Variants in SNX4 observed in about 807,000 individuals in gnomAD.
SNX4 encodes the protein sorting nexin 4.
SNX4 carries 49 observed loss-of-function variants against 70.8 expected under a neutral mutation model. The ratio of observed to expected loss-of-function variants is 0.69; its 90% CI spans 0.55 to 0.88. SNX4 has a LOEUF of 0.88. Ranked by LOEUF, SNX4 falls within the 40% of genes least tolerant of loss-of-function variation. The pLI is 0.00. For synonymous variants in SNX4, 206 were observed against 183.8 expected (o/e 1.12, Z -0.98); for missense variants, 528 against 544.8 (o/e 0.97, Z 0.31).
intron 12 of SNX4, 132 bp from the exon 13 acceptor site, chr3:125,451,551 G>T: frequency 3.5e-6 from 2 of 568,804 alleles, no homozygotes; most frequent in South Asian, 2.6e-5. Flanking sequence ...GTATAAGACA[G>T]TTTTTTTATT....
chr3:125,463,576 A>G (rs1933934931), intron 9 of SNX4, among the ~76,000 whole-genome samples: 1 of 152,230 alleles, frequency 6.6e-6, no homozygotes, highest in African/African-American at 2.4e-5. Context: ...AAAATAGTTG[A>G]AAAAAGTAGC....
At chr3:125,487,053 C>T (rs1007729855) in intron 6 of SNX4, among the ~76,000 whole-genome samples, 4 of 152,004 alleles carry the variant, frequency 2.6e-5, no homozygotes, top group Admixed American at 2.0e-4. Flanking sequence ...ATGAATGAAG[C>T]GAGTACTAGA....
intron 1 of SNX4, 129 bp downstream of exon 1, chr3:125,519,903 C>A: frequency 1.2e-6 from 1 of 825,734 alleles, no homozygotes; most frequent in Non-Finnish European, 1.7e-6. Flanking sequence ...CACCTCGCTC[C>A]CCCTCACTGC....
At chr3:125,477,046 ACCACTATAAATAGTTGCATAAAATT>A (rs1469900747) in intron 7 of SNX4, among the ~76,000 whole-genome samples, 2 of 152,222 alleles carry the variant, frequency 1.3e-5, no homozygotes, top group Admixed American at 6.5e-5. Context: ...TTTAATAAAT[ACCACTATAAATAGTTGCATAAAATT>A]CCACTAAGTA....
intron 6 of SNX4, among the ~76,000 whole-genome samples, chr3:125,489,180 CT>C (rs1455574509): frequency 2.6e-5 from 4 of 152,086 alleles, no homozygotes; most frequent in Non-Finnish European, 5.9e-5. Context: ...TTAACAAACC[CT>C]TCTAGAAAAA....
intron 6 of SNX4, among the ~76,000 whole-genome samples, chr3:125,480,568 ATCT>A (rs1934387740): frequency 6.6e-6 from 1 of 152,196 alleles, no homozygotes; most frequent in South Asian, 2.1e-4. Flanking sequence ...GGTAAAAAAA[ATCT>A]GTTGGTATGA....
At chr3:125,458,535 G>A (rs530436614) in intron 10 of SNX4, among the ~76,000 whole-genome samples, 77 of 152,180 alleles carry the variant, frequency 5.1e-4, no homozygotes, top group African/African-American at 1.8e-3. Context: ...GAAAAGATTC[G>A]GATGGGCGCG....
At chr3:125,498,034 AAAC>A (rs1934838528) in intron 3 of SNX4, 22 bp downstream of exon 3, 1 of 1,614,016 alleles carries the variant, frequency 6.2e-7, no homozygotes, top group Non-Finnish European at 8.5e-7. Flanking sequence ...GAATACTTCT[AAAC>A]TACTGCCATT....
Position 125,452,266 on chromosome 3 carries a change from T to G in SNX4, c.1191-847A>C, listed in dbSNP as rs7630118. ...CACGCCACTGCACTCGGCTAATTTT[T>G]TGTATTTTTAGTAGAGACAAGGTTT... On this transcript the variant is annotated intron_variant, in intron 12 of 13. Transcript: ENST00000251775. Among the ~76,000 whole-genome samples the G allele has an allele frequency of 1.4e-3, 209 of 152,042 alleles. 1 individual carries two copies. Among genetic ancestry groups the G allele is most frequent in the African/African-American group, 4.7e-3 (194 of 41,500 alleles).
intron 1 of SNX4, among the ~76,000 whole-genome samples, chr3:125,509,742 G>C (rs1395873283): frequency 2.1e-5 from 2 of 95,702 alleles, no homozygotes; most frequent in Non-Finnish European, 3.7e-5. Flanking sequence ...GACAGAGCGA[G>C]AATCTGTCTC....
At position 125,498,135 on chromosome 3, in the gene SNX4, C is replaced by G; in HGVS notation, c.323G>C (p.Ser108Thr). The part of the protein sequence containing the change: ...VLTDSLWRRY[S>T]EFELLRSYLL... ...GTAGCTTCTCAACAACTCAAATTCA[C>G]TATATCGCCGCCATAGTGAGTCTGT... is the stretch of plus-strand genomic sequence containing the variant. Residue 108 changes from serine to threonine, a missense_variant, in exon 3 of 14, where the codon AGT (serine) becomes ACT (threonine). Physicochemically the swap from Ser to Thr is moderately conservative, Grantham distance 58 (BLOSUM62 1). Coordinates refer to ENST00000251775, the MANE Select transcript of SNX4 (RefSeq NM_003794.4). 1 of 1,614,162 alleles carries G rather than the reference C, an allele frequency of 6.2e-7. No homozygotes were observed. Among genetic ancestry groups the G allele is most frequent in the Non-Finnish European group, 8.5e-7 (1 of 1,180,014 alleles).
chr3:125,513,664 T>C (rs1000492532), intron 1 of SNX4, among the ~76,000 whole-genome samples: 2 of 152,200 alleles, frequency 1.3e-5, no homozygotes, highest in Non-Finnish European at 2.9e-5. Flanking sequence ...CCTTATCACC[T>C]TTTTTCTAGG....
At chr3:125,494,182 CTA>C (rs1378692727) in intron 5 of SNX4, among the ~76,000 whole-genome samples, 1 of 152,094 alleles carries the variant, frequency 6.6e-6, no homozygotes, top group Non-Finnish European at 1.5e-5. Flanking sequence ...TAAGATATGA[CTA>C]TTTGGTCTCA....
chr3:125,486,526 T>C (rs1934538219), intron 6 of SNX4, among the ~76,000 whole-genome samples: 1 of 152,114 alleles, frequency 6.6e-6, no homozygotes, highest in Non-Finnish European at 1.5e-5. Flanking sequence ...CTCAGGAGGC[T>C]GAGGCAGGAG....
intron 2 of SNX4, among the ~76,000 whole-genome samples, chr3:125,500,646 C>T (rs1040048872): frequency 1.3e-5 from 2 of 151,286 alleles, no homozygotes; most frequent in African/African-American, 2.4e-5. Context: ...CTAAAAAATA[C>T]AAAAAATTAC....
At chr3:125,480,560 TA>T (rs1049089407) in intron 6 of SNX4, among the ~76,000 whole-genome samples, 1 of 151,844 alleles carries the variant, frequency 6.6e-6, no homozygotes, top group African/African-American at 2.4e-5. Context: ...CTGAGATAGG[TA>T]AAAAAAATCT....
intron 6 of SNX4, among the ~76,000 whole-genome samples, chr3:125,486,628 A>G (rs1477851470): frequency 6.6e-6 from 1 of 152,208 alleles, no homozygotes; most frequent in African/African-American, 2.4e-5. Flanking sequence ...TCCGTCTCAA[A>G]AAAAGAGAGT....
intron 10 of SNX4, among the ~76,000 whole-genome samples, chr3:125,457,722 C>T (rs1933760841): frequency 6.6e-6 from 1 of 151,892 alleles, no homozygotes; most frequent in Non-Finnish European, 1.5e-5. Flanking sequence ...GGATTACAGG[C>T]ATGCGCCACC....
chr3:125,499,816 C>A (rs1436708292), intron 2 of SNX4, among the ~76,000 whole-genome samples: 1 of 150,580 alleles, frequency 6.6e-6, no homozygotes, highest in Non-Finnish European at 1.5e-5. Context: ...CGCCTGTAAT[C>A]CCAGCACTTT....
Sources: allele counts gnomAD v4.1 joint callset (sites outside exome capture counted in the v4.1 genomes callset), GRCh38; gene constraint gnomAD v4.1.1; transcripts MANE v1.5; gene names NCBI Gene and HGNC (gene_info 2026-07-23, HGNC 2026-07-21).